The following NDEL1 variants were observed in gnomAD, a reference collection of about 807,000 sequenced individuals.
NDEL1 encodes nuclear distribution protein nudE-like 1.
NDEL1 carries 9 observed loss-of-function variants against 45.7 expected under a neutral mutation model. The ratio of observed to expected loss-of-function variants is 0.20; its 90% CI spans 0.12 to 0.34. The LOEUF is 0.34. Ranked by LOEUF, NDEL1 falls within the 10% of genes least tolerant of loss-of-function variation. The pLI, the probability that NDEL1 is intolerant of heterozygous loss-of-function variation, is 1.00. For synonymous variants in NDEL1, 133 were observed against 158.6 expected (o/e 0.84, Z 1.21); for missense variants, 306 against 406.2 (o/e 0.75, Z 2.12).
chr17:8,434,476 C>G (rs138848009), upstream of NDEL1, among the ~76,000 whole-genome samples: 94 of 152,218 alleles, frequency 6.2e-4, no homozygotes, highest in African/African-American at 2.1e-3. Context: ...CTCGGCTTCC[C>G]AAAGTGCTGC....
chr17:8,461,975 A>G (rs1597557712), intron 8 of NDEL1, among the ~76,000 whole-genome samples: 1 of 151,774 alleles, frequency 6.6e-6, no homozygotes, highest in East Asian at 1.9e-4. Flanking sequence ...CAGGGTCGCT[A>G]CTCCTGCCCG....
At chr17:8,441,453 C>T (rs889824870) in intron 1 of NDEL1, among the ~76,000 whole-genome samples, 1 of 152,118 alleles carries the variant, frequency 6.6e-6, no homozygotes, top group Non-Finnish European at 1.5e-5. Context: ...GGAAGTTCAT[C>T]GATGGCTATA....
chr17:8,422,020 A>G (rs1042229444), intron 1 of NDEL1, among the ~76,000 whole-genome samples: 2 of 152,174 alleles, frequency 1.3e-5, no homozygotes, highest in African/African-American at 4.8e-5. Flanking sequence ...ATCAGCTGGG[A>G]TGGCGCTGAT....
chr17:8,417,291 A>G (rs1240296110), intron 1 of NDEL1, among the ~76,000 whole-genome samples: 1 of 151,552 alleles, frequency 6.6e-6, no homozygotes, highest in Non-Finnish European at 1.5e-5. Context: ...TGATTTTTGT[A>G]TTTTGACCTC....
At chr17:8,458,227 T>C (rs1386380879) in intron 7 of NDEL1, among the ~76,000 whole-genome samples, 3 of 152,080 alleles carry the variant, frequency 2.0e-5, no homozygotes, top group African/African-American at 7.2e-5. Flanking sequence ...TCATGGCTGC[T>C]CCCAACTTTC....
At chr17:8,450,649 T>A (rs915123599) in intron 5 of NDEL1, 131 bp from the exon 6 acceptor site, 1 of 815,800 alleles carries the variant, frequency 1.2e-6, no homozygotes, top group Admixed American at 3.5e-5. Context: ...AAGTTATACT[T>A]AAATAGGAAA....
chr17:8,472,822 T>G (rs1010500418), downstream of NDEL1, among the ~76,000 whole-genome samples: 3 of 152,202 alleles, frequency 2.0e-5, no homozygotes, highest in African/African-American at 4.8e-5. Context: ...CGGCACTGCC[T>G]CATGTCGTCT....
At chr17:8,446,686 T>G in intron 3 of NDEL1, 68 bp from the exon 4 acceptor site, 13 of 1,533,110 alleles carry the variant, frequency 8.5e-6, no homozygotes, top group Non-Finnish European at 1.2e-5. Context: ...CCTTTTAACT[T>G]GAGTTACCTC....
chr17:8,453,684 T>G (rs1332447337), intron 6 of NDEL1, among the ~76,000 whole-genome samples: 1 of 152,200 alleles, frequency 6.6e-6, no homozygotes, highest in Non-Finnish European at 1.5e-5. Flanking sequence ...TCTCCCCAAG[T>G]CAATCTGTAA....
chr17:8,437,736 C>T (rs539715654), intron 1 of NDEL1, among the ~76,000 whole-genome samples: 6 of 152,278 alleles, frequency 3.9e-5, no homozygotes, highest in Admixed American at 1.3e-4. Context: ...GAAACAATAT[C>T]ATTGAAAATA....
chr17:8,436,887 G>T (rs1172671524), intron 1 of NDEL1, among the ~76,000 whole-genome samples: 13 of 152,328 alleles, frequency 8.5e-5, no homozygotes, highest in African/African-American at 2.6e-4. Flanking sequence ...ACCAACTGGT[G>T]AGTGGTTTAG....
chr17:8,442,997 T>C (rs1303188345), intron 1 of NDEL1, among the ~76,000 whole-genome samples: 3 of 151,654 alleles, frequency 2.0e-5, no homozygotes, highest in Non-Finnish European at 4.4e-5. Context: ...GCCAGGATGG[T>C]CTCAATCTCC....
chr17:8,431,341 C>T (rs894370114), upstream of NDEL1: 7 of 152,234 alleles, frequency 4.6e-5, no homozygotes, highest in Admixed American at 4.6e-4. Context: ...GTCCATTGTC[C>T]CAGGCCACTG....
At chr17:8,427,308 A>G (rs144445280) in intron 1 of NDEL1, among the ~76,000 whole-genome samples, 1 of 152,256 alleles carries the variant, frequency 6.6e-6, no homozygotes, top group East Asian at 1.9e-4. Flanking sequence ...ATTCCTGGGT[A>G]TAGGAATAGC....
chr17:8,473,180 G>A (rs1273571264), intron 3 of NDEL1, among the ~76,000 whole-genome samples: 3 of 151,962 alleles, frequency 2.0e-5, no homozygotes, highest in Non-Finnish European at 4.4e-5. Context: ...TCAGCCAGTA[G>A]GGAAGAATTC....
At chr17:8,455,920 G>A (rs1474584506) in intron 7 of NDEL1, among the ~76,000 whole-genome samples, 1 of 152,162 alleles carries the variant, frequency 6.6e-6, no homozygotes, top group Non-Finnish European at 1.5e-5. Context: ...GAGATCTGCA[G>A]TCTGAATTAC....
intron 1 of NDEL1, among the ~76,000 whole-genome samples, chr17:8,413,683 G>T (rs7221735): frequency 0.41 from 62,838 of 151,994 alleles, 13,447 homozygotes; most frequent in African/African-American, 0.52. Context: ...AGGGGCTTGC[G>T]ATCATGTCCT....
chr17:8,428,323 GGTGTGTGTGT>G (rs61341198), intron 1 of NDEL1, among the ~76,000 whole-genome samples: 3 of 62,044 alleles, frequency 4.8e-5, no homozygotes, highest in South Asian at 4.8e-4. Flanking sequence ...AAGTGTGTGT[GGTGTGTGTGT>G]GTGTGTGTGT....
intron 7 of NDEL1, among the ~76,000 whole-genome samples, chr17:8,456,114 G>GAAATTGCATTATACTTTATCTACTCT (rs1910825678): frequency 6.6e-6 from 1 of 152,144 alleles, no homozygotes; most frequent in Non-Finnish European, 1.5e-5. Flanking sequence ...AAAAAATGTA[G>GAAATTGCATTATACTTTATCTACTCT]AAATTGCATT....
Sources: gnomAD v4.1 joint callset for allele counts (sites outside exome capture counted in the v4.1 genomes callset) on GRCh38, gnomAD v4.1.1 for gene constraint, MANE v1.5 for transcripts, NCBI Gene and HGNC (gene_info 2026-07-23, HGNC 2026-07-21) for gene names.